TECTA: variants seen among roughly 807,000 people sequenced by gnomAD.
TECTA encodes the protein tectorin alpha, also known as alpha-tectorin.
A neutral mutation model predicts 216.8 loss-of-function variants in TECTA; 128 were observed. That is an observed-to-expected ratio of 0.59 (90% CI 0.51 to 0.68). TECTA has a LOEUF of 0.68. Among genes scored for constraint, TECTA ranks in the 30% least tolerant of loss-of-function variants. The pLI is 0.00. For missense variants in TECTA, 2,551 were observed against 2,786.2 expected, an observed-to-expected ratio of 0.92 and a Z score of 1.90; for synonymous variants, 1,089 against 1,117.1, an observed-to-expected ratio of 0.97 and a Z score of 0.50.
rs1565534346 is a variant in TECTA, at chr11:121,162,213, T to C, written c.5115T>C (p.Tyr1705=). The C allele has an allele frequency of 1.9e-6, 3 of 1,614,154 alleles. No individual in the cohort carries two copies. Among genetic ancestry groups the C allele is most frequent in the Non-Finnish European group, 2.5e-6 (3 of 1,180,026 alleles). ...TDMKGFFQPC[Y]GLLDPLPFYE... is the part of the protein sequence containing the mutation. The stretch of plus-strand genomic sequence containing the variant: ...TGAAGGGCTTCTTCCAGCCCTGCTA[T>C]GGGCTTCTCGATCCCCTCCCATTCT... Residue 1705 remains tyrosine, a synonymous_variant, in exon 16 of 24, where the codon TAT becomes TAC. Transcript: ENST00000392793.
At chr11:121,117,814 T>C (rs1462254580) in intron 6 of TECTA, among the ~76,000 whole-genome samples, 1 of 152,224 alleles carries the variant, frequency 6.6e-6, no homozygotes, top group African/African-American at 2.4e-5. Context: ...TGACTCCTGA[T>C]TAGTGCTATT....
chr11:121,190,535 T>A (rs997466566), intron 23 of TECTA, among the ~76,000 whole-genome samples, 171 bp from the exon 24 acceptor site: 1 of 152,236 alleles, frequency 6.6e-6, no homozygotes, highest in African/African-American at 2.4e-5. Flanking sequence ...AGTAGGACTC[T>A]CTTAAGATTG....
chr11:121,103,596 T>A (rs996827295), intron 2 of TECTA, among the ~76,000 whole-genome samples: 1 of 152,076 alleles, frequency 6.6e-6, no homozygotes, highest in African/African-American at 2.4e-5. Context: ...AAAAAAATCC[T>A]GGAAACATAG....
intron 10 of TECTA, 91 bp from the exon 11 acceptor site, chr11:121,137,330 A>G (rs566527318): frequency 6.5e-7 from 1 of 1,539,740 alleles, no homozygotes; most frequent in South Asian, 1.1e-5. Flanking sequence ...TCACAAACAC[A>G]CATGCACTCA....
At chr11:121,129,448 A>C (rs926909371) in intron 9 of TECTA, among the ~76,000 whole-genome samples, 190 bp from the exon 10 acceptor site, 7 of 152,200 alleles carry the variant, frequency 4.6e-5, no homozygotes, top group African/African-American at 1.7e-4. Flanking sequence ...GGGTCTAATC[A>C]GGGGAATCCA....
intron 20 of TECTA, among the ~76,000 whole-genome samples, chr11:121,187,147 C>T (rs1417292484): frequency 6.6e-6 from 1 of 152,244 alleles, no homozygotes; most frequent in African/African-American, 2.4e-5. Context: ...GCAGGAAGAT[C>T]TTCCAGGTGG....
At chr11:121,116,283 A>G (rs1021399206) in intron 6 of TECTA, among the ~76,000 whole-genome samples, 2 of 152,182 alleles carry the variant, frequency 1.3e-5, no homozygotes, top group African/African-American at 4.8e-5. Flanking sequence ...ACTCAATACT[A>G]CATTATCTCC....
At chr11:121,174,520 C>T (rs1384200825) in intron 20 of TECTA, among the ~76,000 whole-genome samples, 2 of 152,154 alleles carry the variant, frequency 1.3e-5, no homozygotes, top group African/African-American at 2.4e-5. Context: ...TTGAACCAGC[C>T]TTGCATCCCA....
Position 121,118,579 on chromosome 11 carries a change from C to T in TECTA, c.1064C>T (p.Thr355Ile), listed in dbSNP as rs369463934. ...AYLLARQCLQ[T>I]SSLPFFSVEA... ...TTGCTGGCCCGACAGTGTTTGCAGA[C>T]TTCCAGCCTCCCTTTCTTCAGTGTG... The change falls in exon 7 of 24, where the codon ACT (threonine) becomes ATT (isoleucine). Residue 355 changes from threonine (T) to isoleucine (I), a missense_variant. This residue lies in a region of TECTA where 2,375 missense variants were observed against 2,563.9 expected (regional missense o/e 0.93). Coordinates refer to ENST00000392793, the MANE Select transcript of TECTA (RefSeq NM_005422.4). 6.2e-7 allele frequency: 1 copy of T among 1,614,240 alleles called. No individual in the cohort carries two copies. Among genetic ancestry groups the T allele is most frequent in the Non-Finnish European group, 8.5e-7 (1 of 1,180,050 alleles).
intron 14 of TECTA, among the ~76,000 whole-genome samples, chr11:121,159,019 T>G (rs1946972571): frequency 6.6e-6 from 1 of 152,130 alleles, no homozygotes; most frequent in Non-Finnish European, 1.5e-5. Flanking sequence ...CCTGGCACTG[T>G]GAGCACAGAG....
At chr11:121,182,950 G>T (rs1284568616) in intron 20 of TECTA, among the ~76,000 whole-genome samples, 1 of 152,206 alleles carries the variant, frequency 6.6e-6, no homozygotes, top group Non-Finnish European at 1.5e-5. Context: ...GGTGTCTGGT[G>T]GCCCTGCTGC....
At position 121,147,009 on chromosome 11, in the gene TECTA, A is replaced by G. The variant is rs181158931; in HGVS notation, c.4105+893A>G. Among the ~76,000 whole-genome samples, 17 of 152,158 alleles carry G rather than the reference A, an allele frequency of 1.1e-4. No individual in the cohort carries two copies. In the East Asian group the frequency reaches 3.3e-3, roughly 29 times the overall value. On this transcript the variant is annotated intron_variant, in intron 12 of 23. Transcript: ENST00000392793. ...CCCAAAGCCCAGGCTCCCAACCCAT[A>G]TACTATACTGCTGGACTATGTAGTG...
At chr11:121,107,464 C>A (rs1463977377) in intron 3 of TECTA, among the ~76,000 whole-genome samples, 1 of 152,202 alleles carries the variant, frequency 6.6e-6, no homozygotes, top group East Asian at 1.9e-4. Flanking sequence ...AAACCCAAAG[C>A]CTTGCTTCCA....
At chr11:121,143,400 CCTT>C (rs1946803084) in intron 11 of TECTA, among the ~76,000 whole-genome samples, 2 of 152,356 alleles carry the variant, frequency 1.3e-5, no homozygotes, top group South Asian at 4.1e-4. Flanking sequence ...CACTCCCACT[CCTT>C]CTTGACTAGC....
intron 20 of TECTA, among the ~76,000 whole-genome samples, chr11:121,177,617 G>C (rs965643021): frequency 6.6e-6 from 1 of 152,196 alleles, no homozygotes; most frequent in African/African-American, 2.4e-5. Flanking sequence ...GGCTGCTCGG[G>C]GGTCAGGGGT....
At chr11:121,161,893 C>T (rs955008296) in intron 15 of TECTA, among the ~76,000 whole-genome samples, 182 bp from the exon 16 acceptor site, 32 of 151,948 alleles carry the variant, frequency 2.1e-4, no homozygotes, top group African/African-American at 7.3e-4. Context: ...CAGGAATTAC[C>T]GTTTTACTTT....
Position 121,162,169 on chromosome 11 carries a change from T to G in TECTA, c.5071T>G (p.Cys1691Gly). The change falls in exon 16 of 24, where the codon TGC becomes GGC. Residue 1691 changes from cysteine (C) to glycine (G), a missense_variant. Around this residue, in one of 3 missense-constraint regions of TECTA, gnomAD observed 2,375 missense variants for 2,563.9 expected, o/e 0.93. Coordinates refer to ENST00000392793, the MANE Select transcript of TECTA (RefSeq NM_005422.4). ...CCAGAAGATGCAGGGTGATGGCTACTGCCTGAAGCTCACCGACATGAAGGG... is the reference window on the plus strand; with the variant it reads ...CCAGAAGATGCAGGGTGATGGCTACGGCCTGAAGCTCACCGACATGAAGGG... Reference protein sequence around the residue: ...HIQKMQGDGYCLKLTDMKGFF... With the variant: ...HIQKMQGDGYGLKLTDMKGFF... 6.2e-7 allele frequency: 1 copy of G among 1,614,214 alleles called. No individual in the cohort carries two copies. Among genetic ancestry groups the G allele is most frequent in the Non-Finnish European group, 8.5e-7 (1 of 1,180,044 alleles).
intron 10 of TECTA, among the ~76,000 whole-genome samples, chr11:121,135,805 G>A (rs1007721095): frequency 5.9e-5 from 9 of 152,208 alleles, no homozygotes; most frequent in African/African-American, 2.2e-4. Flanking sequence ...GGACTTCGCT[G>A]ATCTTTAGAT....
chr11:121,152,834 C>T (rs771915004), intron 12 of TECTA, 47 bp from the exon 13 acceptor site: 29 of 1,559,968 alleles, frequency 1.9e-5, no homozygotes, highest in Middle Eastern at 3.4e-4. Flanking sequence ...AAACCCTCCT[C>T]GGTGCCTTGT....
Sources: gnomAD v4.1 joint callset for allele counts (sites outside exome capture counted in the v4.1 genomes callset) on GRCh38, gnomAD v4.1.1 for gene constraint, gnomAD v4.1.1 regional missense constraint, MANE v1.5 for transcripts, NCBI Gene and HGNC (gene_info 2026-07-23, HGNC 2026-07-21) for gene names.